IBTK: variants seen among roughly 807,000 people sequenced by gnomAD.
IBTK encodes inhibitor of Bruton tyrosine kinase.
In IBTK, 83 loss-of-function variants were observed where a neutral mutation model predicts 154.9. The ratio of observed to expected loss-of-function variants is 0.54; its 90% confidence interval spans 0.45 to 0.64. IBTK has a LOEUF of 0.64. Ranked by LOEUF, IBTK falls within the 30% of genes least tolerant of loss-of-function variation. IBTK has a pLI of 0.00. For synonymous variants in IBTK, 515 were observed against 536.1 expected (o/e 0.96, Z 0.54); for missense variants, 1,332 against 1,584.6 (o/e 0.84, Z 2.71).
At chr6:82,203,144 T>C (rs1769273974) in intron 17 of IBTK, among the ~76,000 whole-genome samples, 1 of 152,144 alleles carries the variant, frequency 6.6e-6, no homozygotes, top group Admixed American at 6.5e-5. Context: ...CATGTAAGTA[T>C]ATAAATATAT....
At chr6:82,232,931 T>C (rs1420168577) in intron 3 of IBTK, among the ~76,000 whole-genome samples, 1 of 152,026 alleles carries the variant, frequency 6.6e-6, no homozygotes, top group African/African-American at 2.4e-5. Flanking sequence ...GGCAGACGGA[T>C]CACCTGAGGT....
In IBTK at chr6:82,210,903, C is replaced by A; in HGVS notation, c.2420G>T (p.Ser807Ile). 1 of 1,536,888 alleles carries A rather than the reference C, an allele frequency of 6.5e-7. No individual in the cohort carries two copies. Among genetic ancestry groups the A allele is most frequent in the African/African-American group, 1.4e-5 (1 of 71,522 alleles). ...TATTGGCATTTCCAGAGCTGCACAA[C>A]TGGAAGCCTAAATAAAATAAGACAA... ...MLSSSWIEAS[S>I]CAALEMPIHS... Residue 807 changes from serine to isoleucine, a missense_variant, in exon 16 of 29, where the codon AGT (serine) becomes ATT (isoleucine). Around this residue, in one of 3 missense-constraint regions of IBTK, gnomAD observed 1,134 missense variants for 1,274.7 expected, o/e 0.89. Transcript: ENST00000306270.
At chr6:82,227,051 G>T in intron 5 of IBTK, 141 bp downstream of exon 5, 4 of 529,232 alleles carry the variant, frequency 7.6e-6, no homozygotes, top group South Asian at 3.0e-5. Flanking sequence ...GATATATCAG[G>T]AAACAGATTT....
chr6:82,227,517 A>G (rs1007987223), intron 4 of IBTK, among the ~76,000 whole-genome samples: 4 of 152,226 alleles, frequency 2.6e-5, no homozygotes, highest in Admixed American at 2.6e-4. Flanking sequence ...TTGACACGAA[A>G]AAAAAGAACA....
At chr6:82,203,755 G>A (rs1385501979) in intron 17 of IBTK, among the ~76,000 whole-genome samples, 1 of 152,122 alleles carries the variant, frequency 6.6e-6, no homozygotes, top group Non-Finnish European at 1.5e-5. Flanking sequence ...CTGTACAAGT[G>A]TAAAATATCA....
At chr6:82,247,541 C>G in intron 1 of IBTK, 21 bp downstream of exon 1, 1 of 398,962 alleles carries the variant, frequency 2.5e-6, no homozygotes, top group Non-Finnish European at 4.4e-6. Flanking sequence ...CACGGTCGGG[C>G]AGCGCCAAGC....
At chr6:82,222,890 C>T (rs1435350882) in intron 8 of IBTK, among the ~76,000 whole-genome samples, 9 of 150,022 alleles carry the variant, frequency 6.0e-5, no homozygotes, top group Non-Finnish European at 1.5e-5. Context: ...AGAGCAAGAA[C>T]CTGTCTCAAT....
At chr6:82,191,431 C>G in intron 24 of IBTK, 1 of 570,436 alleles carries the variant, frequency 1.8e-6, no homozygotes, top group Non-Finnish European at 3.1e-6. Context: ...TTTATACTAA[C>G]AATGATCAAG....
At chr6:82,192,395 T>C (rs1768800040) in intron 23 of IBTK, among the ~76,000 whole-genome samples, 1 of 152,164 alleles carries the variant, frequency 6.6e-6, no homozygotes, top group Non-Finnish European at 1.5e-5. Flanking sequence ...CTAAATAATA[T>C]TGGAGACCCA....
chr6:82,240,103 G>A (rs1582262008), intron 2 of IBTK, 63 bp downstream of exon 2: 2 of 1,415,766 alleles, frequency 1.4e-6, no homozygotes, highest in East Asian at 2.3e-5. Flanking sequence ...TAGGATGTAT[G>A]AAAATGATTA....
intron 3 of IBTK, among the ~76,000 whole-genome samples, chr6:82,232,212 G>A (rs1276008350): frequency 6.6e-6 from 1 of 152,026 alleles, no homozygotes. Context: ...TGTTTCTTTA[G>A]CAGCTAAAGT....
At chr6:82,230,831 G>C (rs1770475722) in intron 4 of IBTK, among the ~76,000 whole-genome samples, 1 of 152,248 alleles carries the variant, frequency 6.6e-6, no homozygotes, top group African/African-American at 2.4e-5. Flanking sequence ...TGGGGAAGTA[G>C]AAGATATCAT....
intron 16 of IBTK, among the ~76,000 whole-genome samples, chr6:82,206,905 A>C (rs1183370357): frequency 6.6e-6 from 1 of 152,164 alleles, no homozygotes; most frequent in Non-Finnish European, 1.5e-5. Flanking sequence ...AAAAACACTC[A>C]ATAAACCAGG....
In IBTK at chr6:82,214,394, C is replaced by T; in HGVS notation, c.2037G>A (p.Gln679=). The T allele has an allele frequency of 1.2e-6, 2 of 1,614,006 alleles. No homozygotes were observed. Among genetic ancestry groups the T allele is most frequent in the Non-Finnish European group, 1.7e-6 (2 of 1,179,938 alleles). ...TTTTGTAAACTTCAAATGCAGACTT[C>T]TGGTTATCATCTTCATGGAAATTCA... is the stretch of plus-strand genomic sequence containing the variant. ...NKVNFHEDDN[Q]KSAFEVYKSN... Residue 679 remains glutamine (Q), a synonymous_variant, in exon 12 of 29, where the codon CAG becomes CAA. Coordinates refer to ENST00000306270, the MANE Select transcript of IBTK (RefSeq NM_015525.4).
chr6:82,191,670 G>A (rs1359930649), intron 24 of IBTK, 117 bp downstream of exon 24: 8 of 744,062 alleles, frequency 1.1e-5, no homozygotes, highest in Middle Eastern at 4.7e-4. Flanking sequence ...AGAAAAGGAT[G>A]TATAATTAAC....
At position 82,194,652 on chromosome 6, in the gene IBTK, G is replaced by GAA. The variant is rs770879612; in HGVS notation, c.3175-12_3175-11dup. On this transcript the variant is annotated splice_polypyrimidine_tract_variant and intron_variant, in intron 22 of 28. Transcript: ENST00000306270. The stretch of plus-strand genomic sequence containing the variant: ...ACGGTTTGACTTTCGCCTGGGGAGA[G>GAA]AAAAAAAATAAAAAAAGTTAACAGG... 1.3e-6 allele frequency: 2 copies of GAA among 1,541,038 alleles called. No individual in the cohort carries two copies. The highest frequency in any genetic ancestry group is 1.7e-6 in the Non-Finnish European group (2 of 1,148,768).
intron 23 of IBTK, 43 bp downstream of exon 23, chr6:82,194,436 C>T: frequency 1.6e-6 from 2 of 1,230,406 alleles, no homozygotes; most frequent in Non-Finnish European, 2.2e-6. Flanking sequence ...AAATGAATGA[C>T]ATTTCTCAAA....
At chr6:82,172,626 C>T (rs528145581) in intron 27 of IBTK, 114 bp from the exon 28 acceptor site, 20 of 836,548 alleles carry the variant, frequency 2.4e-5, no homozygotes, top group South Asian at 1.3e-4. Flanking sequence ...CTACAATGAA[C>T]GAACCTGGAA....
intron 16 of IBTK, among the ~76,000 whole-genome samples, chr6:82,209,935 C>G (rs564572364): frequency 3.9e-5 from 6 of 152,070 alleles, no homozygotes; most frequent in African/African-American, 1.4e-4. Context: ...TATTTGTTTT[C>G]TTATACATTT....
Sources: allele counts gnomAD v4.1 joint callset (sites outside exome capture counted in the v4.1 genomes callset), GRCh38; gene constraint gnomAD v4.1.1; regional missense constraint gnomAD v4.1.1; transcripts MANE v1.5; gene names NCBI Gene and HGNC (gene_info 2026-07-23, HGNC 2026-07-21).